Variants in DNAJC17 observed in about 807,000 individuals in gnomAD.
DNAJC17 encodes the protein DnaJ heat shock protein family (Hsp40) member C17.
DNAJC17 carries 35 observed loss-of-function variants against 48.1 expected under a neutral mutation model. The ratio of observed to expected loss-of-function variants is 0.73; its 90% confidence interval spans 0.56 to 0.96. DNAJC17 has a LOEUF of 0.96. Among genes scored for constraint, DNAJC17 ranks in the 50% least tolerant of loss-of-function variants. The pLI is 0.00. For missense variants in DNAJC17, 355 were observed against 377.1 expected, an observed-to-expected ratio of 0.94 and a Z score of 0.48; for synonymous variants, 117 against 142.7, an observed-to-expected ratio of 0.82 and a Z score of 1.28.
chr15:40,779,855 A>G, intron 2 of DNAJC17, 73 bp downstream of exon 2: 1 of 1,515,646 alleles, frequency 6.6e-7, no homozygotes, highest in Non-Finnish European at 9.1e-7. Flanking sequence ...ACTCACATGC[A>G]GAGCTTACAT....
chr15:40,785,484 G>A (rs1262768249), intron 1 of DNAJC17, among the ~76,000 whole-genome samples: 2 of 152,174 alleles, frequency 1.3e-5, no homozygotes, highest in African/African-American at 4.8e-5. Flanking sequence ...ACATCAAACT[G>A]AGAAGAATAA....
chr15:40,794,981 A>T (rs1889910794), intron 1 of DNAJC17, among the ~76,000 whole-genome samples: 1 of 152,050 alleles, frequency 6.6e-6, no homozygotes, highest in South Asian at 2.1e-4. Context: ...GGCCTCCCAA[A>T]GTGCTCGGAT....
intron 1 of DNAJC17, among the ~76,000 whole-genome samples, chr15:40,793,661 C>G (rs756356627): frequency 2.0e-5 from 3 of 151,838 alleles, no homozygotes; most frequent in Non-Finnish European, 2.9e-5. Context: ...GGGGGCGATT[C>G]ATATTTGACT....
At chr15:40,768,304 G>A (rs542292113) in intron 10 of DNAJC17, among the ~76,000 whole-genome samples, 1 of 152,276 alleles carries the variant, frequency 6.6e-6, no homozygotes, top group African/African-American at 2.4e-5. Flanking sequence ...TCCCCAGGCC[G>A]CGTCAGCTCC....
At chr15:40,775,742 G>T in intron 6 of DNAJC17, 146 bp from the exon 7 acceptor site, 1 of 811,166 alleles carries the variant, frequency 1.2e-6, no homozygotes, top group Non-Finnish European at 2.0e-6. Flanking sequence ...AGGGCCTGGT[G>T]GGGAAAGCAG....
At chr15:40,795,769 C>G (rs553415514) in intron 1 of DNAJC17, among the ~76,000 whole-genome samples, 1 of 152,130 alleles carries the variant, frequency 6.6e-6, no homozygotes, top group Non-Finnish European at 1.5e-5. Context: ...GTGGTGGGCA[C>G]CTGTAGTCCC....
intron 1 of DNAJC17, among the ~76,000 whole-genome samples, chr15:40,798,944 G>GCGCGC (rs988285239): frequency 7.9e-5 from 12 of 152,160 alleles, no homozygotes; most frequent in African/African-American, 2.9e-4. Context: ...TGCTGGCTGG[G>GCGCGC]CGCGGTGGCT....
chr15:40,775,935 T>C (rs904349912), intron 6 of DNAJC17, among the ~76,000 whole-genome samples: 6 of 152,040 alleles, frequency 3.9e-5, no homozygotes, highest in Admixed American at 3.9e-4. Flanking sequence ...TGGTGATCTG[T>C]CCCAAAACAA....
At chr15:40,777,381 T>C (rs1889358784) in intron 4 of DNAJC17, among the ~76,000 whole-genome samples, 2 of 151,224 alleles carry the variant, frequency 1.3e-5, no homozygotes, top group Non-Finnish European at 2.9e-5. Flanking sequence ...TTAAAATATA[T>C]GGATGTTGAA....
chr15:40,794,211 A>C lies in DNAJC17; in HGVS notation c.78+13158T>G, dbSNP rs529651652. Among the ~76,000 whole-genome samples, 7 of 152,152 alleles carry C rather than the reference A, an allele frequency of 4.6e-5. No individual in the cohort carries two copies. The East Asian group carries it at 1.4e-3, about 29-fold the overall frequency. On this transcript the variant is annotated intron_variant, in intron 1 of 10. Transcript: ENST00000220496. Reference sequence around the variant, plus strand: ...CTAAAAATACAAAAATTAGCCAGGCATGGTGGTGCATGCCTATAATCCTAG... The same window carrying C: ...CTAAAAATACAAAAATTAGCCAGGCCTGGTGGTGCATGCCTATAATCCTAG...
rs1454324781 is a variant in DNAJC17, at chr15:40,797,574, A to G, written c.78+9795T>C. 7.9e-4 allele frequency among the ~76,000 whole-genome samples: 118 copies of G among 148,588 alleles called. No individual in the cohort carries two copies. In the Middle Eastern group the frequency reaches 0.011, roughly 14 times the overall value. ...ATTACAGGCACCCGCCACCATGCCC[A>G]GCTAATTTTTGTATTTTAGTAGAGC... is the stretch of plus-strand genomic sequence containing the variant. On this transcript the variant is annotated intron_variant, in intron 1 of 10. Transcript: ENST00000220496.
chr15:40,779,973 C>A lies in DNAJC17; in HGVS notation c.103G>T (p.Ala35Ser). The A allele has an allele frequency of 6.2e-7, 1 of 1,614,126 alleles. No individual in the cohort carries two copies. Among genetic ancestry groups the A allele is most frequent in the Middle Eastern group, 1.6e-4 (1 of 6,062 alleles). The change falls in exon 2 of 11, where the codon GCC becomes TCC. Residue 35 changes from alanine to serine, a missense_variant. Physicochemically the swap from Ala to Ser is moderately conservative, Grantham distance 99. Coordinates refer to ENST00000220496, the MANE Select transcript of DNAJC17 (RefSeq NM_018163.3). ...TTTTTGTCTGGGTGGCAGGAGAGGG[C>A]CTTCTGCCTATACGCCTTCTTTACC... ...KEVKKAYRQK[A>S]LSCHPDKNPD...
chr15:40,773,745 G>T lies in DNAJC17; in HGVS notation c.774C>A (p.Ser258Arg). 1 of 1,613,768 alleles carries T rather than the reference G, an allele frequency of 6.2e-7. No homozygotes were observed. Among genetic ancestry groups the T allele is most frequent in the South Asian group, 1.1e-5 (1 of 91,076 alleles). The change falls in exon 10 of 11, where the codon AGC becomes AGA. Residue 258 changes from serine (S) to arginine (R), a missense_variant. Physicochemically the swap from Ser to Arg is moderately radical, Grantham distance 110. Coordinates refer to ENST00000220496, the MANE Select transcript of DNAJC17 (RefSeq NM_018163.3). The stretch of plus-strand genomic sequence containing the variant: ...TCCTCACCTTTGACAGTCCTGAGTG[G>T]CTGCGGCCCACGGCATCCTGGGGCT... ...EGQPQDAVGR[S>R]HSGLSKGSVL...
At chr15:40,803,911 G>C (rs910801320) in intron 1 of DNAJC17, among the ~76,000 whole-genome samples, 1 of 151,914 alleles carries the variant, frequency 6.6e-6, no homozygotes, top group Non-Finnish European at 1.5e-5. Context: ...TGACCCCCTA[G>C]TGGCAGCTCT....
intron 1 of DNAJC17, among the ~76,000 whole-genome samples, chr15:40,803,581 C>A (rs891157789): frequency 6.6e-6 from 1 of 152,152 alleles, no homozygotes; most frequent in African/African-American, 2.4e-5. Flanking sequence ...GAATGCCCTG[C>A]CTCCATCTCC....
At chr15:40,795,660 G>C (rs980282267) in intron 1 of DNAJC17, among the ~76,000 whole-genome samples, 19 of 152,180 alleles carry the variant, frequency 1.2e-4, no homozygotes, top group African/African-American at 4.3e-4. Context: ...ACTTTGGGAG[G>C]CTGAGCCAGG....
intron 1 of DNAJC17, among the ~76,000 whole-genome samples, chr15:40,804,058 C>T (rs1399692968): frequency 6.6e-6 from 1 of 151,942 alleles, no homozygotes; most frequent in African/African-American, 2.4e-5. Flanking sequence ...CTGAAACTTC[C>T]CAGGCTCAAG....
chr15:40,780,183 C>T (rs781178403), intron 1 of DNAJC17, 186 bp from the exon 2 acceptor site: 6 of 688,492 alleles, frequency 8.7e-6, no homozygotes, highest in South Asian at 3.0e-5. Context: ...GAGCCACTGT[C>T]GCCCAGCACA....
intron 1 of DNAJC17, among the ~76,000 whole-genome samples, chr15:40,803,313 C>G (rs1890121030): frequency 6.6e-6 from 1 of 152,186 alleles, no homozygotes; most frequent in African/African-American, 2.4e-5. Flanking sequence ...CTAGGTTGCC[C>G]TATGGCAGCA....
Sources: gnomAD v4.1 joint callset for allele counts (sites outside exome capture counted in the v4.1 genomes callset) on GRCh38, gnomAD v4.1.1 for gene constraint, MANE v1.5 for transcripts, NCBI Gene and HGNC (gene_info 2026-07-23, HGNC 2026-07-21) for gene names.